PCDHA8: variants seen among roughly 807,000 people sequenced by gnomAD.
PCDHA8 encodes the protein protocadherin alpha-8.
PCDHA8 carries 53 observed loss-of-function variants against 61.8 expected under a neutral mutation model. The ratio of observed to expected loss-of-function variants is 0.86; its 90% CI spans 0.69 to 1.08. PCDHA8 has a LOEUF of 1.08. Among genes scored for constraint, PCDHA8 ranks in the 50% least tolerant of loss-of-function variants. PCDHA8 has a pLI of 0.00. For missense variants in PCDHA8, 1,293 were observed against 1,245.0 expected (o/e 1.04, Z -0.58); for synonymous variants, 618 against 556.6 (o/e 1.11, Z -1.55).
intron 1 of PCDHA8, chr5:140,929,420 C>A: frequency 6.7e-7 from 1 of 1,502,700 alleles, no homozygotes; most frequent in Non-Finnish European, 8.9e-7. Context: ...CACAACATTT[C>A]ATCAATTGAA....
intron 1 of PCDHA8, among the ~76,000 whole-genome samples, chr5:140,942,620 A>T (rs1304224304): frequency 1.4e-4 from 4 of 28,710 alleles, no homozygotes; most frequent in Admixed American, 3.3e-4. Context: ...TGCCAATTGT[A>T]AAAAAAAAAA....
chr5:140,962,143 G>C (rs964011627), intron 1 of PCDHA8, among the ~76,000 whole-genome samples: 1 of 151,968 alleles, frequency 6.6e-6, no homozygotes, highest in Non-Finnish European at 1.5e-5. Flanking sequence ...CCAAAGTGCT[G>C]GGATTACAGG....
At chr5:140,890,752 G>A (rs2062783323) in intron 1 of PCDHA8, among the ~76,000 whole-genome samples, 1 of 151,990 alleles carries the variant, frequency 6.6e-6, no homozygotes, top group East Asian at 1.9e-4. Context: ...TTTCTGTCAT[G>A]CTTTAAAAAT....
At chr5:140,847,637 AAAG>A (rs1781114479) in intron 1 of PCDHA8, 1 of 149,768 alleles carries the variant, frequency 6.7e-6, no homozygotes, top group Admixed American at 6.7e-5. Context: ...TGGAGACTAC[AAAG>A]AAGAGATTAT....
At chr5:140,959,414 C>T (rs1408668310) in intron 1 of PCDHA8, among the ~76,000 whole-genome samples, 3 of 151,996 alleles carry the variant, frequency 2.0e-5, no homozygotes, top group African/African-American at 7.2e-5. Context: ...GTTGATTGAT[C>T]TGAGAATTTG....
chr5:140,884,764 T>C (rs2060348326), intron 1 of PCDHA8: 1 of 1,417,012 alleles, frequency 7.1e-7, no homozygotes, highest in Non-Finnish European at 9.3e-7. Flanking sequence ...TATTCTTTAC[T>C]TTAATTTTAA....
Position 140,938,107 on chromosome 5 carries a change from T to C in PCDHA8, c.2395-40842T>C, listed in dbSNP as rs73266057. On this transcript the variant is annotated intron_variant, in intron 1 of 3. Coordinates refer to ENST00000531613, the MANE Select transcript of PCDHA8 (RefSeq NM_018911.3). ...TAGTTTTATTATTGTATTTTTTACT[T>C]TCTCTCTTTTTTTAAAAAAATAGAG... is the stretch of plus-strand genomic sequence containing the variant. 3.3e-3 allele frequency among the ~76,000 whole-genome samples: 502 copies of C among 152,318 alleles called. 3 individuals carry two copies. Among genetic ancestry groups the C allele is most frequent in the African/African-American group, 0.012 (483 of 41,576 alleles).
At chr5:140,900,270 T>C (rs1203586696) in intron 1 of PCDHA8, among the ~76,000 whole-genome samples, 1 of 152,082 alleles carries the variant, frequency 6.6e-6, no homozygotes, top group Non-Finnish European at 1.5e-5. Flanking sequence ...ATTGTGTATA[T>C]GTACCACACT....
At chr5:140,866,322 C>G (rs1235184378) in intron 1 of PCDHA8, 1 of 152,052 alleles carries the variant, frequency 6.6e-6, no homozygotes, top group Non-Finnish European at 1.5e-5. Context: ...TTCAGGGACC[C>G]TGAACTTGGC....
chr5:140,936,593 C>T (rs1475903432), intron 1 of PCDHA8, among the ~76,000 whole-genome samples: 1 of 152,168 alleles, frequency 6.6e-6, no homozygotes, highest in African/African-American at 2.4e-5. Context: ...GTTAGATTGC[C>T]TACTTTCCTC....
At chr5:140,972,353 T>C (rs571045648) in intron 1 of PCDHA8, among the ~76,000 whole-genome samples, 5 of 152,058 alleles carry the variant, frequency 3.3e-5, no homozygotes, top group South Asian at 2.1e-4. Flanking sequence ...TCTCACTATG[T>C]TGCACATGCT....
Position 140,894,936 on chromosome 5 carries a change from A to G in PCDHA8, c.2394+51221A>G, listed in dbSNP as rs560165058. Among the ~76,000 whole-genome samples the G allele has an allele frequency of 3.5e-4, 53 of 152,142 alleles. 1 individual carries two copies. The highest frequency in any genetic ancestry group is 5.6e-4 in the Non-Finnish European group (38 of 68,020). On this transcript the variant is annotated intron_variant, in intron 1 of 3. Transcript: ENST00000531613. ...TTGCTCTATAGATTTCTATTCAGCTATTGTCATGAAATGATAAAAATATAA... is the reference window on the plus strand; with the variant it reads ...TTGCTCTATAGATTTCTATTCAGCTGTTGTCATGAAATGATAAAAATATAA...
intron 1 of PCDHA8, chr5:140,926,614 C>G: frequency 2.6e-6 from 1 of 377,760 alleles, no homozygotes; most frequent in Non-Finnish European, 4.6e-6. Flanking sequence ...TCTCTGCACC[C>G]CTAGGCGGCG....
At chr5:140,937,500 C>T (rs2091549219) in intron 1 of PCDHA8, among the ~76,000 whole-genome samples, 1 of 152,024 alleles carries the variant, frequency 6.6e-6, no homozygotes, top group Admixed American at 6.6e-5. Context: ...ACCCGTAATC[C>T]CAGCTACTCA....
chr5:140,962,036 A>G (rs761594563), intron 1 of PCDHA8, among the ~76,000 whole-genome samples: 10 of 151,802 alleles, frequency 6.6e-5, no homozygotes, highest in Non-Finnish European at 1.2e-4. Flanking sequence ...GGCACCCACC[A>G]CCATGCCTGG....
chr5:140,842,848 G>A lies in PCDHA8; in HGVS notation c.1527G>A (p.Ser509=), dbSNP rs2150346229. The stretch of plus-strand genomic sequence containing the variant: ...AGCGCTCGCTGTCGAGCTACATTTC[G>A]GTGCACACGGAGAGCGGCAAGGTGT... ...VGERSLSSYI[S]VHTESGKVYA... is the part of the protein sequence containing the mutation. Residue 509 remains serine, a synonymous_variant, in exon 1 of 4, where the codon TCG becomes TCA. Coordinates refer to ENST00000531613, the MANE Select transcript of PCDHA8 (RefSeq NM_018911.3). 2.4e-5 allele frequency: 38 copies of A among 1,593,806 alleles called. 5 individuals are homozygous for A. The highest frequency in any genetic ancestry group is 1.7e-4 in the South Asian group (15 of 90,426).
chr5:140,905,643 A>G (rs532700036), intron 1 of PCDHA8, among the ~76,000 whole-genome samples: 1 of 152,306 alleles, frequency 6.6e-6, no homozygotes, highest in Non-Finnish European at 1.5e-5. Context: ...TCAGTTTCAC[A>G]GTATTGATTC....
chr5:140,984,656 G>A (rs1465387950), intron 3 of PCDHA8, among the ~76,000 whole-genome samples: 2 of 152,082 alleles, frequency 1.3e-5, no homozygotes, highest in Non-Finnish European at 2.9e-5. Context: ...TGTCCTTCTG[G>A]TACTTTTAGG....
intron 1 of PCDHA8, chr5:140,852,686 T>G: frequency 1.0e-6 from 1 of 969,714 alleles, no homozygotes; most frequent in Non-Finnish European, 1.2e-6. Context: ...TTGAATATAG[T>G]CTTATACTTT....
Sources: allele counts gnomAD v4.1 joint callset (sites outside exome capture counted in the v4.1 genomes callset), GRCh38; gene constraint gnomAD v4.1.1; transcripts MANE v1.5; gene names NCBI Gene and HGNC (gene_info 2026-07-23, HGNC 2026-07-21).